PDE10A: variants seen among roughly 807,000 people sequenced by gnomAD.
PDE10A encodes phosphodiesterase 10A.
A neutral mutation model predicts 97.7 loss-of-function variants in PDE10A; 39 were observed. The observed-to-expected ratio is 0.40, with a 90% CI of 0.31 to 0.52. The LOEUF (loss-of-function observed/expected upper bound fraction) is 0.52, where lower values mean the gene tolerates loss of function less well. PDE10A is among the 20% of genes least tolerant of loss of function. PDE10A has a pLI of 0.56. For missense variants in PDE10A, 731 were observed against 1,047.8 expected (o/e 0.70, Z 4.17); for synonymous variants, 371 against 376.8 (o/e 0.98, Z 0.18).
chr6:165,974,854 A>G (rs1318642334), intron 1 of PDE10A, among the ~76,000 whole-genome samples: 1 of 152,222 alleles, frequency 6.6e-6, no homozygotes, highest in Non-Finnish European at 1.5e-5. Context: ...ACAGAGGGTG[A>G]CTGTCGTGCC....
At chr6:165,914,305 C>G (rs1283826694) in intron 1 of PDE10A, among the ~76,000 whole-genome samples, 8 of 152,228 alleles carry the variant, frequency 5.3e-5, no homozygotes. Flanking sequence ...GGTACACCCA[C>G]AACTTAAAGT....
intron 1 of PDE10A, among the ~76,000 whole-genome samples, chr6:165,564,092 T>C (rs1325922633): frequency 6.6e-6 from 1 of 152,168 alleles, no homozygotes; most frequent in Non-Finnish European, 1.5e-5. Context: ...ACAAAACCCT[T>C]GGCTGGAATT....
chr6:165,915,771 A>T (rs540316273), intron 1 of PDE10A, among the ~76,000 whole-genome samples: 1 of 152,366 alleles, frequency 6.6e-6, no homozygotes, highest in African/African-American at 2.4e-5. Context: ...AATCATGGCC[A>T]TGTATGTGCA....
intron 2 of PDE10A, among the ~76,000 whole-genome samples, chr6:165,532,905 A>G (rs1782868396): frequency 6.6e-6 from 1 of 152,172 alleles, no homozygotes; most frequent in African/African-American, 2.4e-5. Flanking sequence ...AAGGCTTCAT[A>G]TATTCTTTCA....
At chr6:165,652,997 T>C (rs977121873) in intron 1 of PDE10A, among the ~76,000 whole-genome samples, 1 of 152,200 alleles carries the variant, frequency 6.6e-6, no homozygotes, top group Non-Finnish European at 1.5e-5. Context: ...ACACGCTGTG[T>C]TCACAGTAGC....
At chr6:165,430,976 G>A (rs1179389554) in intron 8 of PDE10A, among the ~76,000 whole-genome samples, 5 of 152,142 alleles carry the variant, frequency 3.3e-5, no homozygotes, top group African/African-American at 1.2e-4. Context: ...ACTATAAGTA[G>A]TTGGTGATTT....
rs1782104386 is a variant in PDE10A at position 165,901,491 on chromosome 6, G to A, written c.-615+86038C>T. On this transcript the variant is annotated intron_variant, in intron 1 of 19. Transcript: ENST00000366882. Reference sequence around the variant, plus strand: ...CACCTCCCCTGCCTCTCATCTGGCTGCTCAGCCCTTATTACAAAATGCCCC... The same window carrying A: ...CACCTCCCCTGCCTCTCATCTGGCTACTCAGCCCTTATTACAAAATGCCCC... Among the ~76,000 whole-genome samples the A allele has an allele frequency of 2.0e-5, 3 of 152,160 alleles. 1 individual carries two copies. In the South Asian group the frequency reaches 6.2e-4, roughly 32 times the overall value.
intron 3 of PDE10A, among the ~76,000 whole-genome samples, chr6:165,466,498 T>C (rs979777783): frequency 3.3e-5 from 5 of 152,236 alleles, no homozygotes; most frequent in African/African-American, 9.6e-5. Flanking sequence ...TTTGTAGATA[T>C]TGCATGTTTT....
intron 1 of PDE10A, among the ~76,000 whole-genome samples, chr6:165,772,459 C>T (rs569701427): frequency 1.3e-5 from 2 of 152,280 alleles, no homozygotes; most frequent in Admixed American, 6.5e-5. Flanking sequence ...GTTCTCCATG[C>T]GGCGTCCTAG....
chr6:165,878,401 G>C (rs1781399065), intron 1 of PDE10A, among the ~76,000 whole-genome samples: 2 of 152,152 alleles, frequency 1.3e-5, no homozygotes, highest in Non-Finnish European at 2.9e-5. Context: ...GCTACTTATA[G>C]GGTCAGTAAA....
intron 1 of PDE10A, among the ~76,000 whole-genome samples, chr6:165,841,249 C>T (rs553499425): frequency 6.6e-6 from 1 of 152,334 alleles, no homozygotes; most frequent in East Asian, 1.9e-4. Context: ...GAGGTGAGAA[C>T]AGGGCAGGCC....
chr6:165,682,558 G>A (rs911430205), intron 1 of PDE10A, among the ~76,000 whole-genome samples: 5 of 152,064 alleles, frequency 3.3e-5, no homozygotes, highest in African/African-American at 2.4e-5. Context: ...ATAAAGAGAC[G>A]CCAGAGGCCC....
At chr6:165,966,464 G>A (rs1784514432) in intron 1 of PDE10A, among the ~76,000 whole-genome samples, 1 of 152,212 alleles carries the variant, frequency 6.6e-6, no homozygotes, top group African/African-American at 2.4e-5. Context: ...TGTGGGCCCT[G>A]GACGTGAGGG....
chr6:165,413,464 G>T, intron 13 of PDE10A, 37 bp downstream of exon 13: 3 of 1,365,712 alleles, frequency 2.2e-6, no homozygotes, highest in Non-Finnish European at 3.1e-6. Flanking sequence ...AATTAATATT[G>T]AGTAGTAAAA....
At chr6:165,842,858 G>T (rs1413877942) in intron 1 of PDE10A, among the ~76,000 whole-genome samples, 1 of 152,204 alleles carries the variant, frequency 6.6e-6, no homozygotes, top group African/African-American at 2.4e-5. Flanking sequence ...CCCTTCTCTG[G>T]CTCCTGCCCT....
intron 1 of PDE10A, among the ~76,000 whole-genome samples, chr6:165,586,495 G>A (rs1438331439): frequency 1.3e-5 from 2 of 151,898 alleles, no homozygotes; most frequent in Admixed American, 1.3e-4. Flanking sequence ...GACCAGGTGG[G>A]GCAAATAGTC....
chr6:165,412,841 C>G (rs929600732), intron 13 of PDE10A, among the ~76,000 whole-genome samples: 2 of 152,106 alleles, frequency 1.3e-5, no homozygotes, highest in African/African-American at 4.8e-5. Context: ...TCCCTAACCT[C>G]AGAATTCTAG....
chr6:165,913,273 T>TACAC (rs58740333), intron 1 of PDE10A, among the ~76,000 whole-genome samples: 3,514 of 147,960 alleles, frequency 0.024, 106 homozygotes, highest in African/African-American at 0.071. Flanking sequence ...ACTCAACTTG[T>TACAC]ACACACACAC....
intron 1 of PDE10A, among the ~76,000 whole-genome samples, chr6:165,844,686 T>A (rs1271287410): frequency 4.6e-5 from 7 of 152,240 alleles, no homozygotes; most frequent in African/African-American, 1.7e-4. Flanking sequence ...AACTTTATCC[T>A]ATTTTCACTA....
Sources: gnomAD v4.1 joint callset for allele counts (sites outside exome capture counted in the v4.1 genomes callset) on GRCh38, gnomAD v4.1.1 for gene constraint, MANE v1.5 for transcripts, NCBI Gene and HGNC (gene_info 2026-07-23, HGNC 2026-07-21) for gene names.